HDDC2: variants seen among roughly 807,000 people sequenced by gnomAD.
HDDC2 encodes HD domain containing 2.
A neutral mutation model predicts 25.5 loss-of-function variants in HDDC2; 25 were observed. That is an observed-to-expected ratio of 0.98 (90% CI 0.72 to 1.37). The LOEUF (loss-of-function observed/expected upper bound fraction) is 1.37, where lower values mean the gene tolerates loss of function less well. Among genes scored for constraint, HDDC2 ranks in the 40% most tolerant of loss-of-function variants. The pLI is 0.00. For synonymous variants in HDDC2, 106 were observed against 89.7 expected, an observed-to-expected ratio of 1.18 and a Z score of -1.03; for missense variants, 264 against 253.1, an observed-to-expected ratio of 1.04 and a Z score of -0.29.
In HDDC2 at chr6:125,289,500, AAAAAC is replaced by A. The variant is rs1462831466; in HGVS notation, c.378+3336_378+3340del. Among the ~76,000 whole-genome samples, 9 of 133,468 alleles carry A rather than the reference AAAAAC, an allele frequency of 6.7e-5. 1 individual carries two copies. Among genetic ancestry groups the A allele is most frequent in the South Asian group, 4.4e-4 (2 of 4,532 alleles). 87.6% of individuals were successfully genotyped at this position (133,468 alleles called of 152,430 possible). A position where few individuals can be genotyped will look rare whatever the true frequency, so the allele number is the denominator to read the frequency against. On this transcript the variant is annotated intron_variant, in intron 4 of 5. Coordinates refer to ENST00000398153, the MANE Select transcript of HDDC2 (RefSeq NM_016063.3). ...GTATAATAAAAAAAAAAAAATTAAAAAAAACAAAACAAAACAAAAAAAACAAAAAA... is the reference window on the plus strand; with the variant it reads ...GTATAATAAAAAAAAAAAAATTAAAAAAAACAAAACAAAAAAAACAAAAAA...
At chr6:125,276,633 A>G (rs1798373634) in intron 5 of HDDC2, 4 of 247,320 alleles carry the variant, frequency 1.6e-5, no homozygotes, top group South Asian at 1.6e-4. Flanking sequence ...AAGCACCTAT[A>G]TATGAAAAGA....
At chr6:125,282,553 G>A (rs910482571) in intron 4 of HDDC2, among the ~76,000 whole-genome samples, 2 of 152,164 alleles carry the variant, frequency 1.3e-5, no homozygotes, top group Admixed American at 6.5e-5. Context: ...ATCAGCCACT[G>A]TGAAAACAAA....
intron 4 of HDDC2, among the ~76,000 whole-genome samples, chr6:125,287,613 G>C (rs1458228623): frequency 2.6e-5 from 4 of 152,158 alleles, no homozygotes; most frequent in African/African-American, 4.8e-5. Flanking sequence ...TACATGTCTG[G>C]GGCTTCGGAG....
Position 125,298,788 on chromosome 6 carries a change from T to C in HDDC2, c.235A>G (p.Met79Val), listed in dbSNP as rs939275465. 4 of 1,614,132 alleles carry C rather than the reference T, an allele frequency of 2.5e-6. No individual in the cohort carries two copies. The highest frequency in any genetic ancestry group is 2.5e-6 in the Non-Finnish European group (3 of 1,180,010). Residue 79 changes from methionine to valine, a missense_variant, in exon 3 of 6, where the codon ATG becomes GTG. Coordinates refer to ENST00000398153, the MANE Select transcript of HDDC2 (RefSeq NM_016063.3). ...RCVRLALVHD[M>V]AECIVGDIAP... ...ATGTCCCCAACGATGCATTCTGCCA[T>C]ATCATGAACCAGGGCTAGGCGTACA...
intron 4 of HDDC2, among the ~76,000 whole-genome samples, chr6:125,286,735 G>A (rs537481950): frequency 8.2e-4 from 125 of 152,280 alleles, no homozygotes; most frequent in African/African-American, 2.9e-3. Flanking sequence ...GGTGGAACAT[G>A]TTCAAGATGA....
rs935193071 is a variant in HDDC2 at position 125,276,900 on chromosome 6, G to A, written c.517+202C>T. ...TTGCCTGTGTCTGTTGTTGCTTACT[G>A]TTCATTCCACATTAAACTCTATTCC... On this transcript the variant is annotated intron_variant, in intron 5 of 5. Transcript: ENST00000398153. The A allele has an allele frequency of 1.0e-5, 6 of 576,756 alleles. No homozygotes were observed. In the African/African-American group the frequency reaches 1.1e-4, roughly 11 times the overall value. The allele number at this position is 576,756 out of a possible 1,614,324, so 35.7% of individuals were successfully genotyped here.
intron 2 of HDDC2, 42 bp downstream of exon 2, chr6:125,300,496 G>A: frequency 6.2e-7 from 1 of 1,604,374 alleles, no homozygotes; most frequent in Non-Finnish European, 8.5e-7. Context: ...CACACCCATA[G>A]ACCAGAATCT....
chr6:125,277,197 T>G lies in HDDC2; in HGVS notation c.422A>C (p.Gln141Pro). 1 of 1,614,166 alleles carries G rather than the reference T, an allele frequency of 6.2e-7. No homozygotes were observed. Among genetic ancestry groups the G allele is most frequent in the South Asian group, 1.1e-5 (1 of 91,084 alleles). Residue 141 changes from glutamine (Q) to proline (P), a missense_variant, in exon 5 of 6, where the codon CAG (glutamine) becomes CCG (proline). Physicochemically the swap from Gln to Pro is moderately conservative, Grantham distance 76. Coordinates refer to ENST00000398153, the MANE Select transcript of HDDC2 (RefSeq NM_016063.3). ...AAGAATCATTTCACATTGGTCTAGC[T>G]GCTTCACAAATTTGGCTTCTGCACT... ...QSSAEAKFVKQLDQCEMILQA... is the reference protein window; with the variant it reads ...QSSAEAKFVKPLDQCEMILQA...
chr6:125,296,109 T>C (rs1386938556), intron 3 of HDDC2, among the ~76,000 whole-genome samples: 1 of 146,632 alleles, frequency 6.8e-6, no homozygotes, highest in Admixed American at 6.8e-5. Context: ...CAACCAACCA[T>C]AGATAAAAAA....
intron 4 of HDDC2, among the ~76,000 whole-genome samples, chr6:125,280,194 G>C (rs1798437098): frequency 6.6e-6 from 1 of 152,180 alleles, no homozygotes; most frequent in South Asian, 2.1e-4. Flanking sequence ...CTGTGAGGAA[G>C]GGTGCATTCC....
chr6:125,285,414 A>G (rs1798518662), intron 4 of HDDC2, among the ~76,000 whole-genome samples: 1 of 152,218 alleles, frequency 6.6e-6, no homozygotes, highest in Admixed American at 6.5e-5. Flanking sequence ...AAGGAACGCA[A>G]GGGTACACAA....
chr6:125,294,988 T>C (rs1183256136), intron 3 of HDDC2, among the ~76,000 whole-genome samples: 1 of 152,250 alleles, frequency 6.6e-6, no homozygotes, highest in Non-Finnish European at 1.5e-5. Context: ...TTGATATTTG[T>C]TAATCACACA....
chr6:125,287,620 G>A (rs972321828), intron 4 of HDDC2, among the ~76,000 whole-genome samples: 1 of 152,152 alleles, frequency 6.6e-6, no homozygotes, highest in Non-Finnish European at 1.5e-5. Context: ...CTGGGGCTTC[G>A]GAGGAAGGTT....
In HDDC2 at chr6:125,277,240, C is replaced by T. The variant is rs895691137; in HGVS notation, c.379G>A (p.Glu127Lys). The part of the protein sequence containing the change: ...LRKELYELWE[E>K]YETQSSAEAK... Reference sequence around the variant, plus strand: ...TCTGCACTAGATTGGGTCTCGTACTCCTAAGTAAAGGGACAATTAAAGCAG... The same window carrying T: ...TCTGCACTAGATTGGGTCTCGTACTTCTAAGTAAAGGGACAATTAAAGCAG... The change falls in exon 5 of 6, where the codon GAG becomes AAG. Residue 127 changes from glutamate to lysine, a missense_variant and splice_region_variant. Transcript: ENST00000398153. 10 of 1,613,878 alleles carry T rather than the reference C, an allele frequency of 6.2e-6. No homozygotes were observed. The highest frequency in any genetic ancestry group is 8.5e-6 in the Non-Finnish European group (10 of 1,179,914).
intron 3 of HDDC2, among the ~76,000 whole-genome samples, chr6:125,296,035 C>G (rs1798701602): frequency 6.6e-6 from 1 of 151,988 alleles, no homozygotes. Context: ...CCAAAACAAT[C>G]AGCCTTCCAG....
At chr6:125,279,888 T>C (rs886991179) in intron 4 of HDDC2, among the ~76,000 whole-genome samples, 1 of 152,122 alleles carries the variant, frequency 6.6e-6, no homozygotes, top group Non-Finnish European at 1.5e-5. Context: ...AGAACTCGAA[T>C]CTATATTTCA....
chr6:125,282,299 G>C (rs1297110398), intron 4 of HDDC2, among the ~76,000 whole-genome samples: 1 of 150,006 alleles, frequency 6.7e-6, no homozygotes, highest in Non-Finnish European at 1.5e-5. Context: ...TGAGCCGAGA[G>C]TATGCCATTG....
In HDDC2 at chr6:125,301,769, C is replaced by G. The variant is rs1001420582; in HGVS notation, c.84+80G>C. On this transcript the variant is annotated intron_variant, in intron 1 of 5. Transcript: ENST00000398153. ...GCGCAGGAAGGGCAAAGACCGCCGG[C>G]CGAGCGGGGAGGCCGGAAGCTCCGC... 5.1e-5 allele frequency: 55 copies of G among 1,068,156 alleles called. No individual in the cohort carries two copies. The South Asian group carries it at 7.7e-4, about 15-fold the overall frequency. 66.2% of individuals were successfully genotyped at this position (1,068,156 alleles called of 1,614,324 possible). A position where few individuals can be genotyped will look rare whatever the true frequency, so the allele number is the denominator to read the frequency against.
chr6:125,296,299 T>C (rs1213864839), intron 3 of HDDC2, among the ~76,000 whole-genome samples: 1 of 152,146 alleles, frequency 6.6e-6, no homozygotes, highest in Admixed American at 6.5e-5. Context: ...GATTTGGTTA[T>C]CTATGGGGGT....
Sources: gnomAD v4.1 joint callset for allele counts (sites outside exome capture counted in the v4.1 genomes callset) on GRCh38, gnomAD v4.1.1 for gene constraint, MANE v1.5 for transcripts, NCBI Gene and HGNC (gene_info 2026-07-23, HGNC 2026-07-21) for gene names.